The following GAB1 variants were observed in gnomAD, a reference collection of about 807,000 sequenced individuals.
GAB1 encodes GRB2-associated-binding protein 1.
GAB1 carries 19 observed loss-of-function variants against 66.5 expected under a neutral mutation model. The observed-to-expected ratio is 0.29, with a 90% CI of 0.20 to 0.42. The LOEUF (loss-of-function observed/expected upper bound fraction) is 0.42. Among genes scored for constraint, GAB1 ranks in the 10% least tolerant of loss-of-function variants. The pLI, the probability that GAB1 is intolerant of heterozygous loss-of-function variation, is 1.00. For synonymous variants in GAB1, 294 were observed against 301.4 expected, an observed-to-expected ratio of 0.98 and a Z score of 0.25; for missense variants, 732 against 858.5, an observed-to-expected ratio of 0.85 and a Z score of 1.84.
chr4:143,375,451 A>T (rs2149671344), intron 1 of GAB1, among the ~76,000 whole-genome samples: 1 of 152,312 alleles, frequency 6.6e-6, no homozygotes, highest in Middle Eastern at 3.4e-3. Context: ...TAAGGAGACC[A>T]TTCCATCTCC....
intron 1 of GAB1, among the ~76,000 whole-genome samples, chr4:143,384,035 T>C (rs1450085948): frequency 6.6e-6 from 1 of 151,870 alleles, no homozygotes; most frequent in Non-Finnish European, 1.5e-5. Context: ...GTCGCACCAC[T>C]GCACTCCAGC....
At chr4:143,462,504 A>C (rs1735547212) in intron 8 of GAB1, among the ~76,000 whole-genome samples, 1 of 152,182 alleles carries the variant, frequency 6.6e-6, no homozygotes, top group Non-Finnish European at 1.5e-5. Flanking sequence ...CATGGGTGTT[A>C]GATGAAGGGA....
At position 143,433,556 on chromosome 4, in the gene GAB1, GCAC is replaced by G. The variant is rs748332703; in HGVS notation, c.439_441del (p.Pro147del). On this transcript the variant is annotated inframe_deletion, in exon 3 of 10. Coordinates refer to ENST00000262994, the MANE Select transcript of GAB1 (RefSeq NM_002039.4). The stretch of plus-strand genomic sequence containing the variant: ...TGATTTACCTTTAGCTATAAATACA[GCAC>G]CACCATCCACCCAGGCAGATTCATC... The G allele has an allele frequency of 1.9e-6, 3 of 1,613,954 alleles. No homozygotes were observed.
chr4:143,425,516 G>T, intron 2 of GAB1: 2 of 762,196 alleles, frequency 2.6e-6, no homozygotes, highest in Non-Finnish European at 4.8e-6. Flanking sequence ...TGTGCCATGT[G>T]GACATTGCCA....
intron 1 of GAB1, among the ~76,000 whole-genome samples, chr4:143,351,335 C>T (rs1236717055): frequency 6.6e-6 from 1 of 152,142 alleles, no homozygotes; most frequent in African/African-American, 2.4e-5. Flanking sequence ...CCCTGGAGTC[C>T]GGCCACTCAG....
chr4:143,428,257 C>T (rs1418804239), intron 2 of GAB1, among the ~76,000 whole-genome samples: 1 of 152,098 alleles, frequency 6.6e-6, no homozygotes, highest in Admixed American at 6.5e-5. Flanking sequence ...GGCTTTTACC[C>T]AAAGCTTAGA....
rs774414883 is a variant in GAB1 at position 143,438,370 on chromosome 4, C to T, written c.965C>T (p.Thr322Ile). The change falls in exon 4 of 10, where the codon ACA (threonine) becomes ATA (isoleucine). Residue 322 changes from threonine (T) to isoleucine (I), a missense_variant. Physicochemically the swap from Thr to Ile is moderately conservative, Grantham distance 89. This residue lies in a region of GAB1 where 427 missense variants were observed against 420.6 expected (regional missense o/e 1.02). Coordinates refer to ENST00000262994, the MANE Select transcript of GAB1 (RefSeq NM_002039.4). Reference sequence around the variant, plus strand: ...GGTAATACTTATCAGATTCCACGAACATTTCCAGAAGGAACCTTGGGACAG... The same window carrying T: ...GGTAATACTTATCAGATTCCACGAATATTTCCAGAAGGAACCTTGGGACAG... Reference protein sequence around the residue: ...TPGNTYQIPRTFPEGTLGQTS... With the variant: ...TPGNTYQIPRIFPEGTLGQTS... The T allele has an allele frequency of 1.2e-6, 2 of 1,614,084 alleles. No individual in the cohort carries two copies. The highest frequency in any genetic ancestry group is 1.1e-5 in the South Asian group (1 of 91,068).
chr4:143,358,869 A>G (rs1407665822), intron 1 of GAB1, among the ~76,000 whole-genome samples: 2 of 152,198 alleles, frequency 1.3e-5, no homozygotes, highest in African/African-American at 2.4e-5. Flanking sequence ...TGGTGTTTGT[A>G]TTCTCCATGT....
In GAB1 at chr4:143,438,489, A is replaced by G. The variant is rs781521145; in HGVS notation, c.1084A>G (p.Ile362Val). Residue 362 changes from isoleucine (I) to valine (V), a missense_variant, in exon 4 of 10, where the codon ATC (isoleucine) becomes GTC (valine). Ile to Val is a conservative substitution (Grantham distance 29). Transcript: ENST00000262994. ...CCGATCTCCTGTGGAAACGTGTAGT[A>G]TCCCACGCACCGCCTCAGACACTGA... ...HDRSPVETCS[I>V]PRTASDTDSS... 20 of 1,613,874 alleles carry G rather than the reference A, an allele frequency of 1.2e-5. No individual in the cohort carries two copies. Among genetic ancestry groups the G allele is most frequent in the Non-Finnish European group, 1.7e-5 (20 of 1,179,982 alleles).
intron 6 of GAB1, among the ~76,000 whole-genome samples, chr4:143,448,274 C>T (rs924752668): frequency 2.6e-5 from 4 of 151,722 alleles, no homozygotes; most frequent in Non-Finnish European, 5.9e-5. Flanking sequence ...TGTCTCTGCC[C>T]GGCTTTGGTA....
intron 6 of GAB1, among the ~76,000 whole-genome samples, chr4:143,455,142 A>T (rs909839283): frequency 6.6e-6 from 1 of 152,024 alleles, no homozygotes; most frequent in Non-Finnish European, 1.5e-5. Flanking sequence ...TTTTGTTGTC[A>T]TATAGGGAAA....
intron 1 of GAB1, among the ~76,000 whole-genome samples, chr4:143,404,670 G>C (rs768978322): frequency 5.9e-5 from 9 of 152,168 alleles, no homozygotes; most frequent in Non-Finnish European, 8.8e-5. Context: ...AGGATTGCTT[G>C]AGCCCAGGAG....
intron 1 of GAB1, among the ~76,000 whole-genome samples, chr4:143,360,249 C>T (rs2323011): frequency 0.043 from 6,476 of 152,176 alleles, 142 homozygotes; most frequent in African/African-American, 0.052. Context: ...TTTAAAAAAC[C>T]GGAATTCAAG....
rs572470529 is a variant in GAB1 at position 143,364,236 on chromosome 4, T to G, written c.72+26976T>G. ...GACTTAGATTCATTCTCTCTGTCTG[T>G]TATTTTGTATCTGCCCACATTGATG... is the stretch of plus-strand genomic sequence containing the variant. On this transcript the variant is annotated intron_variant, in intron 1 of 9. Coordinates refer to ENST00000262994, the MANE Select transcript of GAB1 (RefSeq NM_002039.4). Among the ~76,000 whole-genome samples the G allele has an allele frequency of 7.9e-5, 12 of 152,182 alleles. No homozygotes were observed. In the South Asian group the frequency reaches 2.5e-3, roughly 32 times the overall value.
intron 9 of GAB1, among the ~76,000 whole-genome samples, chr4:143,466,769 G>T (rs1735814731): frequency 6.6e-6 from 1 of 151,998 alleles, no homozygotes; most frequent in Non-Finnish European, 1.5e-5. Context: ...GGGATTACAG[G>T]CAGGAGCCAC....
chr4:143,382,475 G>C (rs1285612460), intron 1 of GAB1, among the ~76,000 whole-genome samples: 2 of 152,138 alleles, frequency 1.3e-5, no homozygotes, highest in Non-Finnish European at 2.9e-5. Flanking sequence ...TTGGGACTTG[G>C]GGAAACTATG....
intron 1 of GAB1, chr4:143,376,700 C>A (rs1187229052): frequency 6.6e-6 from 1 of 152,136 alleles, no homozygotes; most frequent in Non-Finnish European, 1.5e-5. Context: ...AGTAAGAACA[C>A]CAAATTAAAT....
At chr4:143,403,334 G>A (rs373104432) in intron 1 of GAB1, among the ~76,000 whole-genome samples, 7 of 152,160 alleles carry the variant, frequency 4.6e-5, no homozygotes, top group South Asian at 2.1e-4. Flanking sequence ...CCTTACAGCC[G>A]CTGTTATTTT....
chr4:143,364,133 A>C (rs1729774005), intron 1 of GAB1, among the ~76,000 whole-genome samples: 1 of 150,814 alleles, frequency 6.6e-6, no homozygotes, highest in Admixed American at 6.6e-5. Flanking sequence ...GGTTGCGGTG[A>C]GCTGAGACCA....
Sources: gnomAD v4.1 joint callset for allele counts (sites outside exome capture counted in the v4.1 genomes callset) on GRCh38, gnomAD v4.1.1 for gene constraint, gnomAD v4.1.1 regional missense constraint, MANE v1.5 for transcripts, NCBI Gene and HGNC (gene_info 2026-07-23, HGNC 2026-07-21) for gene names.